RARB: variants seen among roughly 807,000 people sequenced by gnomAD.
The protein encoded by RARB is HBV-activated protein.
A neutral mutation model predicts 51.9 loss-of-function variants in RARB; 17 were observed. The ratio of observed to expected loss-of-function variants is 0.33; its 90% CI spans 0.22 to 0.49. RARB has a LOEUF of 0.49. Ranked by LOEUF, RARB falls within the 20% of genes least tolerant of loss-of-function variation. The probability of loss-of-function intolerance (pLI) is 0.99; values close to 1 mark genes in which losing one functional copy is unlikely to be tolerated. For synonymous variants in RARB, 215 were observed against 195.4 expected (o/e 1.10, Z -0.84); for missense variants, 369 against 550.8 (o/e 0.67, Z 3.30).
rs1370313610 is a variant in RARB, at chr3:25,406,614, AT to A, written c.179-54577del. Among the ~76,000 whole-genome samples, 4 of 152,218 alleles carry A rather than the reference AT, an allele frequency of 2.6e-5. 1 individual carries two copies. The highest frequency in any genetic ancestry group is 2.6e-4 in the Admixed American group (4 of 15,286). The stretch of plus-strand genomic sequence containing the variant: ...GACTCCACCCTAACACCCCATTTTA[AT>A]TCAATCACTTCTTTAAAGACCTTGT... On this transcript the variant is annotated intron_variant, in intron 5 of 11. Transcript: ENST00000383772.
rs566576689 is a variant in RARB, at chr3:25,000,306, C to T, written c.-379-59819C>T. Among the ~76,000 whole-genome samples the T allele has an allele frequency of 3.6e-4, 55 of 152,182 alleles. No homozygotes were observed. The South Asian group carries it at 7.2e-3, about 20-fold the overall frequency. On this transcript the variant is annotated intron_variant, in intron 2 of 11. Transcript: ENST00000383772. ...AAAGTAATACAAATGTTTCCATAGACCTTGCAAATTCAAGGGAGTGGGAGG... is the reference window on the plus strand; with the variant it reads ...AAAGTAATACAAATGTTTCCATAGATCTTGCAAATTCAAGGGAGTGGGAGG...
intron 4 of RARB, among the ~76,000 whole-genome samples, chr3:25,138,425 C>G (rs1191265648): frequency 1.3e-5 from 2 of 151,810 alleles, no homozygotes; most frequent in Non-Finnish European, 2.9e-5. Flanking sequence ...CAGTCCCTGC[C>G]CCTGGTTTGT....
intron 3 of RARB, among the ~76,000 whole-genome samples, chr3:25,551,398 G>A (rs1418662527): frequency 1.3e-5 from 2 of 152,210 alleles, no homozygotes; most frequent in Admixed American, 6.5e-5. Context: ...ACAGTAGATA[G>A]ACTCATCAGA....
intron 5 of RARB, among the ~76,000 whole-genome samples, chr3:25,365,627 C>G (rs1477439492): frequency 6.6e-6 from 1 of 152,086 alleles, no homozygotes; most frequent in East Asian, 1.9e-4. Context: ...TGTCCAAAGT[C>G]CAAGAGTGAC....
chr3:25,153,392 C>G (rs141585935), intron 4 of RARB, among the ~76,000 whole-genome samples: 5 of 152,216 alleles, frequency 3.3e-5, no homozygotes, highest in Non-Finnish European at 7.4e-5. Flanking sequence ...TCATTCCTTA[C>G]GAAGGACATG....
intron 2 of RARB, among the ~76,000 whole-genome samples, chr3:24,912,543 T>C (rs1559393325): frequency 6.6e-6 from 1 of 152,102 alleles, no homozygotes; most frequent in Admixed American, 6.5e-5. Context: ...GGTCTGAGTT[T>C]TAGGAAGATG....
rs10540610 is a variant in RARB, at chr3:25,099,615, TA to T, written c.-327-32526del. Among the ~76,000 whole-genome samples, 985 of 142,422 alleles carry T rather than the reference TA, an allele frequency of 6.9e-3. 11 individuals carry two copies. The highest frequency in any genetic ancestry group is 0.016 in the South Asian group (70 of 4,352). 93.4% of individuals were successfully genotyped at this position (142,422 alleles called of 152,430 possible). A position where few individuals can be genotyped will look rare whatever the true frequency, so the allele number is the denominator to read the frequency against. On this transcript the variant is annotated intron_variant, in intron 3 of 11. Transcript: ENST00000383772. ...CTTTCTCATGAGTATTTTCAGGATT[TA>T]AAAAAAAAAAAAAAAAAAACTTTCA...
At chr3:25,165,711 C>G (rs1700550769) in intron 4 of RARB, among the ~76,000 whole-genome samples, 1 of 152,148 alleles carries the variant, frequency 6.6e-6, no homozygotes, top group Admixed American at 6.5e-5. Flanking sequence ...ATGAAAAGAC[C>G]TTAGGTGAAG....
chr3:24,965,126 G>T (rs954316843), intron 2 of RARB, among the ~76,000 whole-genome samples: 2 of 152,124 alleles, frequency 1.3e-5, no homozygotes, highest in South Asian at 4.1e-4. Context: ...GTTTACTAAG[G>T]TTCACTTCTG....
chr3:25,112,605 C>T (rs1316305295), intron 3 of RARB, among the ~76,000 whole-genome samples: 3 of 151,916 alleles, frequency 2.0e-5, no homozygotes, highest in East Asian at 1.9e-4. Context: ...AGGGAGACCT[C>T]GTCTCTACAA....
chr3:24,850,398 A>G (rs527958475), intron 1 of RARB, among the ~76,000 whole-genome samples: 1 of 152,158 alleles, frequency 6.6e-6, no homozygotes, highest in East Asian at 1.9e-4. Flanking sequence ...TTTAGCTTAC[A>G]TTTCATTGGC....
intron 5 of RARB, among the ~76,000 whole-genome samples, chr3:25,201,920 G>A (rs569890660): frequency 2.9e-4 from 44 of 152,018 alleles, no homozygotes; most frequent in African/African-American, 1.0e-3. Context: ...TTTCTGCCAG[G>A]CTTTGGTATC....
At chr3:25,084,167 C>T (rs1488731694) in intron 3 of RARB, among the ~76,000 whole-genome samples, 9 of 152,172 alleles carry the variant, frequency 5.9e-5, no homozygotes. Flanking sequence ...CTCAGCAGTT[C>T]CGTGTTCCAG....
chr3:25,545,434 C>T (rs754823624), intron 3 of RARB, among the ~76,000 whole-genome samples: 23 of 152,240 alleles, frequency 1.5e-4, no homozygotes, highest in Non-Finnish European at 2.8e-4. Flanking sequence ...TGTGTCCTGC[C>T]CTCCCAAGCC....
At chr3:25,301,580 G>A (rs558377172) in intron 5 of RARB, among the ~76,000 whole-genome samples, 21 of 152,174 alleles carry the variant, frequency 1.4e-4, no homozygotes, top group African/African-American at 5.1e-4. Context: ...ATTTTGTATG[G>A]AGGTGGGCCT....
chr3:24,927,888 C>T (rs968196473), intron 2 of RARB, among the ~76,000 whole-genome samples: 1 of 152,030 alleles, frequency 6.6e-6, no homozygotes, highest in African/African-American at 2.4e-5. Context: ...ATTTACTGTG[C>T]TCCGCAGCAA....
At chr3:25,157,350 T>TTGTGTGTGTG (rs748559000) in intron 4 of RARB, among the ~76,000 whole-genome samples, 5,983 of 144,970 alleles carry the variant, frequency 0.041, 236 homozygotes, top group South Asian at 0.14. Context: ...GTGTGTGTGT[T>TTGTGTGTGTG]TGTGTGTGTG....
chr3:25,489,480 G>A (rs552132349), intron 2 of RARB, among the ~76,000 whole-genome samples: 1 of 152,058 alleles, frequency 6.6e-6, no homozygotes, highest in Admixed American at 6.5e-5. Context: ...CTTCTACATG[G>A]AATATCCATA....
At chr3:24,874,311 G>A (rs1001882177) in intron 2 of RARB, among the ~76,000 whole-genome samples, 2 of 151,962 alleles carry the variant, frequency 1.3e-5, no homozygotes, top group Non-Finnish European at 2.9e-5. Context: ...ATACTGTTTT[G>A]TGCTAAGAAT....
Sources: allele counts gnomAD v4.1 joint callset (sites outside exome capture counted in the v4.1 genomes callset), GRCh38; gene constraint gnomAD v4.1.1; transcripts MANE v1.5; gene names NCBI Gene and HGNC (gene_info 2026-07-23, HGNC 2026-07-21).